The following DLG2 variants were observed in gnomAD, a reference collection of about 807,000 sequenced individuals.
DLG2 encodes the protein discs large MAGUK scaffold protein 2.
Under a neutral mutation model 132.5 loss-of-function variants are expected in DLG2, and 45 were observed. The ratio of observed to expected loss-of-function variants is 0.34; its 90% CI spans 0.27 to 0.44. DLG2 has a LOEUF of 0.44. Among genes scored for constraint, DLG2 ranks in the 20% least tolerant of loss-of-function variants. The probability of loss-of-function intolerance (pLI) is 1.00; values close to 1 mark genes in which losing one functional copy is unlikely to be tolerated. For missense variants in DLG2, 1,045 were observed against 1,196.9 expected, an observed-to-expected ratio of 0.87 and a Z score of 1.87; for synonymous variants, 424 against 419.6, an observed-to-expected ratio of 1.01 and a Z score of -0.13.
intron 8 of DLG2, among the ~76,000 whole-genome samples, chr11:84,217,378 G>C (rs1238950986): frequency 2.0e-5 from 3 of 152,154 alleles, no homozygotes; most frequent in Non-Finnish European, 4.4e-5. Context: ...AGATCTGATG[G>C]CTTTATAAAG....
intron 2 of DLG2, among the ~76,000 whole-genome samples, chr11:85,599,124 C>T (rs187300714): frequency 2.0e-3 from 308 of 152,252 alleles, no homozygotes; most frequent in Middle Eastern, 6.8e-3. Context: ...TAATATCCAA[C>T]TTCCTTAACA....
chr11:83,861,377 G>T (rs1175487921), intron 16 of DLG2, among the ~76,000 whole-genome samples: 1 of 152,140 alleles, frequency 6.6e-6, no homozygotes, highest in Non-Finnish European at 1.5e-5. Flanking sequence ...CCCACTGCTA[G>T]GTATATACCC....
At chr11:83,561,390 C>G (rs902514424) in intron 19 of DLG2, among the ~76,000 whole-genome samples, 3 of 152,224 alleles carry the variant, frequency 2.0e-5, no homozygotes, top group Non-Finnish European at 4.4e-5. Flanking sequence ...TGCCTGCTCC[C>G]TGTCTCTTGT....
chr11:85,402,552 G>A (rs958041085), intron 3 of DLG2, among the ~76,000 whole-genome samples: 2 of 151,988 alleles, frequency 1.3e-5, no homozygotes, highest in East Asian at 1.9e-4. Flanking sequence ...GAGTGAACAG[G>A]CAACCTACAG....
intron 11 of DLG2, among the ~76,000 whole-genome samples, chr11:84,011,642 T>C (rs1593028941): frequency 1.3e-5 from 2 of 152,132 alleles, no homozygotes; most frequent in African/African-American, 2.4e-5. Flanking sequence ...GCTCTGCATC[T>C]AATAATAAAA....
chr11:85,324,251 T>C (rs573842756), intron 3 of DLG2, among the ~76,000 whole-genome samples: 1 of 152,146 alleles, frequency 6.6e-6, no homozygotes, highest in Non-Finnish European at 1.5e-5. Flanking sequence ...TTGTATTTTT[T>C]TGGTGGAGTG....
At chr11:84,506,101 A>T (rs2099239418) in intron 7 of DLG2, among the ~76,000 whole-genome samples, 1 of 51,998 alleles carries the variant, frequency 1.9e-5, no homozygotes, top group Admixed American at 1.4e-4. Flanking sequence ...TTTGAGACGG[A>T]GTCTAGCTCT....
At chr11:85,465,309 T>TC (rs1411073974) in intron 3 of DLG2, among the ~76,000 whole-genome samples, 1 of 151,220 alleles carries the variant, frequency 6.6e-6, no homozygotes, top group Non-Finnish European at 1.5e-5. Context: ...ACTGGCTAAT[T>TC]TTTTTTTAAT....
chr11:84,256,360 T>C (rs1381966199), intron 7 of DLG2, among the ~76,000 whole-genome samples: 1 of 152,134 alleles, frequency 6.6e-6, no homozygotes, highest in African/African-American at 2.4e-5. Context: ...GAGTAGCTAG[T>C]CAGCCAAGAA....
At chr11:83,469,422 A>G (rs2091687517) in intron 24 of DLG2, 49 bp from the exon 25 acceptor site, 1 of 1,453,594 alleles carries the variant, frequency 6.9e-7, no homozygotes, top group South Asian at 1.3e-5. Context: ...ATACCCATAA[A>G]CTTGCTTTAC....
chr11:84,414,283 A>G (rs2154460009), intron 7 of DLG2, among the ~76,000 whole-genome samples: 1 of 152,336 alleles, frequency 6.6e-6, no homozygotes, highest in South Asian at 2.1e-4. Context: ...ATTATTATCA[A>G]TAAAGTATTC....
At position 85,272,403 on chromosome 11, in the gene DLG2, G is replaced by A. The variant is rs75915567; in HGVS notation, c.186+12817C>T. On this transcript the variant is annotated intron_variant, in intron 4 of 27. Coordinates refer to ENST00000376104, the MANE Select transcript of DLG2 (RefSeq NM_001142699.3). ...TTTTAAGAAATTGACTCTTGCAATT[G>A]TGGAGACTGATATGTCTTAAATCTG... Among the ~76,000 whole-genome samples the A allele has an allele frequency of 1.5e-3, 223 of 152,310 alleles. 1 individual carries two copies. Among genetic ancestry groups the A allele is most frequent in the African/African-American group, 5.2e-3 (215 of 41,572 alleles).
chr11:84,855,446 A>T (rs1216874800), intron 6 of DLG2, among the ~76,000 whole-genome samples: 1 of 152,186 alleles, frequency 6.6e-6, no homozygotes, highest in East Asian at 1.9e-4. Flanking sequence ...GAGACAATGT[A>T]GCTAGAGAGT....
Position 84,092,833 on chromosome 11 carries a change from C to T in DLG2, c.749+6090G>A, listed in dbSNP as rs570490940. ...TGGGCGGATCACAAGGTCAGGAGTT[C>T]GAGACAAGCCTGGCCAACATGGTGA... On this transcript the variant is annotated intron_variant, in intron 10 of 27. Coordinates refer to ENST00000376104, the MANE Select transcript of DLG2 (RefSeq NM_001142699.3). 5.9e-5 allele frequency among the ~76,000 whole-genome samples: 9 copies of T among 151,952 alleles called. No homozygotes were observed. The South Asian group carries it at 6.3e-4, about 11-fold the overall frequency.
intron 18 of DLG2, among the ~76,000 whole-genome samples, chr11:83,678,595 G>A (rs2078181011): frequency 6.6e-6 from 1 of 152,100 alleles, no homozygotes; most frequent in Admixed American, 6.6e-5. Context: ...GGTTGGGGAG[G>A]CACATCATAC....
intron 6 of DLG2, among the ~76,000 whole-genome samples, chr11:84,827,767 G>C (rs2078525065): frequency 6.8e-6 from 1 of 146,620 alleles, no homozygotes; most frequent in Non-Finnish European, 1.5e-5. Flanking sequence ...TCTATTCACT[G>C]GTGGTCATAA....
At chr11:83,925,191 A>G (rs185633810) in intron 15 of DLG2, among the ~76,000 whole-genome samples, 50 of 152,192 alleles carry the variant, frequency 3.3e-4, no homozygotes, top group Admixed American at 2.9e-3. Context: ...GTTTCAGTCA[A>G]TTGCAGGCAG....
chr11:85,138,663 C>T (rs2076272104), intron 5 of DLG2, among the ~76,000 whole-genome samples: 1 of 152,094 alleles, frequency 6.6e-6, no homozygotes, highest in Non-Finnish European at 1.5e-5. Context: ...CTTTCCCATG[C>T]TATACTTGTG....
intron 3 of DLG2, among the ~76,000 whole-genome samples, chr11:85,345,298 G>A (rs2082756267): frequency 6.6e-6 from 1 of 151,980 alleles, no homozygotes; most frequent in Non-Finnish European, 1.5e-5. Flanking sequence ...GCTCCTTGGG[G>A]CACAATATTG....
Sources: allele counts gnomAD v4.1 joint callset (sites outside exome capture counted in the v4.1 genomes callset), GRCh38; gene constraint gnomAD v4.1.1; transcripts MANE v1.5; gene names NCBI Gene and HGNC (gene_info 2026-07-23, HGNC 2026-07-21).